Variants in PCDHA10 observed in about 807,000 individuals in gnomAD.
The protein encoded by PCDHA10 is protocadherin alpha 10.
Under a neutral mutation model 61.2 loss-of-function variants are expected in PCDHA10, and 45 were observed. The observed-to-expected ratio is 0.74, with a 90% CI of 0.58 to 0.94. The LOEUF (loss-of-function observed/expected upper bound fraction) is 0.94. Ranked by LOEUF, PCDHA10 falls within the 40% of genes least tolerant of loss-of-function variation. The pLI is 0.00. For synonymous variants in PCDHA10, 602 were observed against 548.8 expected (o/e 1.10, Z -1.35); for missense variants, 1,278 against 1,236.2 (o/e 1.03, Z -0.51).
chr5:140,870,626 C>G lies in PCDHA10; in HGVS notation c.2388+12190C>G, dbSNP rs782773688. Reference sequence around the variant, plus strand: ...GACCGCGCGCTGTCGAGCTACGTGTCGGTGCACGCGGAGAGCGGCAAGGTG... The same window carrying G: ...GACCGCGCGCTGTCGAGCTACGTGTGGGTGCACGCGGAGAGCGGCAAGGTG... On this transcript the variant is annotated intron_variant, in intron 1 of 3. Coordinates refer to ENST00000307360, the MANE Select transcript of PCDHA10 (RefSeq NM_018901.4). 15 of 1,613,016 alleles carry G rather than the reference C, an allele frequency of 9.3e-6. No individual in the cohort carries two copies. The highest frequency in any genetic ancestry group is 1.1e-5 in the Non-Finnish European group (13 of 1,179,794).
chr5:140,883,080 A>G, intron 1 of PCDHA10: 1 of 1,614,140 alleles, frequency 6.2e-7, no homozygotes, highest in Non-Finnish European at 8.5e-7. Flanking sequence ...GATCCTGATG[A>G]TGGTACAAAT....
intron 1 of PCDHA10, among the ~76,000 whole-genome samples, chr5:140,978,185 G>C (rs1177844558): frequency 1.3e-5 from 2 of 152,168 alleles, no homozygotes; most frequent in East Asian, 3.8e-4. Context: ...GAGGGCAACA[G>C]ATCTTTTCAA....
intron 3 of PCDHA10, among the ~76,000 whole-genome samples, chr5:140,998,878 T>C (rs1379445555): frequency 6.6e-6 from 1 of 152,218 alleles, no homozygotes; most frequent in Non-Finnish European, 1.5e-5. Context: ...ATAATAAGTT[T>C]AGTTGAATAA....
Position 140,856,372 on chromosome 5 carries a change from C to T in PCDHA10, c.324C>T (p.Ile108=). ...AGTGCAGCATCCACCTGGAGGTGAT[C>T]GTGGACAGGCCGCTGCAGGTTTTCC... ...SVECSIHLEV[I]VDRPLQVFHV... Residue 108 remains isoleucine (I), a synonymous_variant, in exon 1 of 4, where the codon ATC becomes ATT. Coordinates refer to ENST00000307360, the MANE Select transcript of PCDHA10 (RefSeq NM_018901.4). 1.9e-6 allele frequency: 3 copies of T among 1,598,462 alleles called. No homozygotes were observed. Among genetic ancestry groups the T allele is most frequent in the Non-Finnish European group, 2.6e-6 (3 of 1,167,970 alleles).
At chr5:140,904,436 T>C (rs1554191522) in intron 1 of PCDHA10, among the ~76,000 whole-genome samples, 1 of 151,240 alleles carries the variant, frequency 6.6e-6, no homozygotes, top group Admixed American at 6.6e-5. Flanking sequence ...TATATATGTA[T>C]ATTACAATTT....
At chr5:140,947,275 T>G (rs246050) in intron 1 of PCDHA10, among the ~76,000 whole-genome samples, 85,352 of 151,290 alleles carry the variant, frequency 0.56, 24,679 homozygotes, top group African/African-American at 0.69. Context: ...GAAAATACTT[T>G]TTCTTTTTAT....
At chr5:140,991,180 C>T (rs2097436577) in intron 3 of PCDHA10, among the ~76,000 whole-genome samples, 1 of 152,160 alleles carries the variant, frequency 6.6e-6, no homozygotes. Context: ...AAGCAGGATG[C>T]CTAGCACACA....
At chr5:140,929,481 A>G (rs1192778322) in intron 1 of PCDHA10, 4 of 1,195,836 alleles carry the variant, frequency 3.3e-6, no homozygotes, top group Non-Finnish European at 4.5e-6. Flanking sequence ...GGAAGTATAG[A>G]AGTATTAGAA....
At chr5:140,921,202 C>T (rs528515993) in intron 1 of PCDHA10, among the ~76,000 whole-genome samples, 20 of 151,968 alleles carry the variant, frequency 1.3e-4, no homozygotes, top group African/African-American at 3.6e-4. Context: ...AGATTGACAA[C>T]GATAATTCAC....
intron 1 of PCDHA10, chr5:140,865,597 G>A (rs1391602074): frequency 6.6e-6 from 1 of 152,154 alleles, no homozygotes; most frequent in Non-Finnish European, 1.5e-5. Context: ...CATTGTTTGA[G>A]CAGTTTATTA....
intron 1 of PCDHA10, chr5:140,882,750 A>G (rs781948584): frequency 1.9e-5 from 30 of 1,614,128 alleles, no homozygotes; most frequent in Non-Finnish European, 2.4e-5. Context: ...TCCGATGCAG[A>G]TATTGGAGTA....
At chr5:140,924,484 A>G (rs1198741385) in intron 1 of PCDHA10, among the ~76,000 whole-genome samples, 1 of 152,184 alleles carries the variant, frequency 6.6e-6, no homozygotes, top group Non-Finnish European at 1.5e-5. Flanking sequence ...TTTTAGTGGA[A>G]CACTGGCATT....
intron 1 of PCDHA10, among the ~76,000 whole-genome samples, chr5:140,959,312 C>G (rs2095480226): frequency 6.6e-6 from 1 of 151,968 alleles, no homozygotes; most frequent in South Asian, 2.1e-4. Flanking sequence ...GTGGTTGAAG[C>G]TGCAATAAGT....
At chr5:140,983,463 C>T (rs1554245464) in intron 3 of PCDHA10, among the ~76,000 whole-genome samples, 1 of 152,208 alleles carries the variant, frequency 6.6e-6, no homozygotes, top group Non-Finnish European at 1.5e-5. Flanking sequence ...AATAGAACAT[C>T]ATGATGATAA....
chr5:140,996,198 G>T (rs2097716643), intron 3 of PCDHA10, among the ~76,000 whole-genome samples: 1 of 152,168 alleles, frequency 6.6e-6, no homozygotes, highest in Non-Finnish European at 1.5e-5. Context: ...TACCCTCAAT[G>T]CAAGGATATC....
chr5:140,941,475 C>T (rs1554214513), intron 1 of PCDHA10, among the ~76,000 whole-genome samples: 1 of 151,578 alleles, frequency 6.6e-6, no homozygotes, highest in Non-Finnish European at 1.5e-5. Context: ...ACCACCACGC[C>T]TGGCTAATTT....
At chr5:141,005,018 T>C (rs2098193299) in intron 3 of PCDHA10, among the ~76,000 whole-genome samples, 1 of 152,250 alleles carries the variant, frequency 6.6e-6, no homozygotes, top group Non-Finnish European at 1.5e-5. Flanking sequence ...AGCTGCATTA[T>C]ATATAATTGC....
intron 1 of PCDHA10, among the ~76,000 whole-genome samples, chr5:140,935,583 C>T (rs1182817725): frequency 1.3e-5 from 2 of 152,168 alleles, no homozygotes; most frequent in Admixed American, 6.5e-5. Flanking sequence ...AGTTAAGCCA[C>T]CAGCTAGATA....
At chr5:140,927,882 G>A in intron 1 of PCDHA10, 2 of 1,614,224 alleles carry the variant, frequency 1.2e-6, no homozygotes, top group Non-Finnish European at 1.7e-6. Context: ...TGGTGGAGGT[G>A]ACTGACGTGA....
Sources: allele counts gnomAD v4.1 joint callset (sites outside exome capture counted in the v4.1 genomes callset), GRCh38; gene constraint gnomAD v4.1.1; transcripts MANE v1.5; gene names NCBI Gene and HGNC (gene_info 2026-07-23, HGNC 2026-07-21).